VRK1: variants seen among roughly 807,000 people sequenced by gnomAD.
VRK1 encodes VRK serine/threonine kinase 1.
Under a neutral mutation model 57.1 loss-of-function variants are expected in VRK1, and 33 were observed. The observed-to-expected ratio is 0.58, with a 90% confidence interval of 0.44 to 0.77. The LOEUF (loss-of-function observed/expected upper bound fraction) is 0.77, where lower values mean the gene tolerates loss of function less well. VRK1 is among the 30% of genes least tolerant of loss of function. The pLI, the probability that VRK1 is intolerant of heterozygous loss-of-function variation, is 0.00. For synonymous variants in VRK1, 137 were observed against 147.8 expected (o/e 0.93, Z 0.53); for missense variants, 413 against 477.3 (o/e 0.87, Z 1.25).
chr14:96,831,469 T>C (rs1887001312), intron 1 of VRK1, among the ~76,000 whole-genome samples: 1 of 152,200 alleles, frequency 6.6e-6, no homozygotes, highest in African/African-American at 2.4e-5. Context: ...GGGACTATTT[T>C]TAGGAAAGAA....
intron 1 of VRK1, among the ~76,000 whole-genome samples, chr14:96,814,769 ATT>A (rs1053557060): frequency 6.6e-6 from 1 of 152,100 alleles, no homozygotes; most frequent in Non-Finnish European, 1.5e-5. Context: ...CTTTCCTTGT[ATT>A]TTTCACTTAA....
intron 11 of VRK1, among the ~76,000 whole-genome samples, chr14:96,867,862 A>G (rs146239496): frequency 2.0e-5 from 3 of 152,216 alleles, no homozygotes; most frequent in African/African-American, 7.2e-5. Context: ...TTTTATTGGT[A>G]AGATAGCCTC....
At chr14:96,878,675 G>T (rs28540414) in intron 12 of VRK1, among the ~76,000 whole-genome samples, 2,190 of 152,154 alleles carry the variant, frequency 0.014, 55 homozygotes, top group African/African-American at 0.049. Flanking sequence ...TATTGTGTAG[G>T]TTTTCTCAAA....
chr14:96,798,320 T>C (rs771538712), intron 1 of VRK1, among the ~76,000 whole-genome samples: 31 of 152,186 alleles, frequency 2.0e-4, no homozygotes, highest in Admixed American at 6.5e-4. Flanking sequence ...TCAAAACTCT[T>C]AGGTGGTAGA....
intron 1 of VRK1, among the ~76,000 whole-genome samples, chr14:96,831,816 G>A (rs28459561): frequency 0.13 from 19,754 of 152,194 alleles, 1,625 homozygotes; most frequent in Non-Finnish European, 0.19. Flanking sequence ...AAAGTGGGTT[G>A]AAATTCAGAA....
At chr14:96,838,990 T>C (rs1887339993) in intron 3 of VRK1, among the ~76,000 whole-genome samples, 1 of 152,032 alleles carries the variant, frequency 6.6e-6, no homozygotes, top group Non-Finnish European at 1.5e-5. Flanking sequence ...TCTTAAAATG[T>C]AGAGCATTTC....
At chr14:96,806,550 C>G (rs372272144) in intron 1 of VRK1, among the ~76,000 whole-genome samples, 2 of 152,136 alleles carry the variant, frequency 1.3e-5, no homozygotes, top group African/African-American at 2.4e-5. Context: ...TCAGGTAGAT[C>G]TAGTTCAAAT....
At position 96,808,002 on chromosome 14, in the gene VRK1, CCTCTCTCT is replaced by C. The variant is rs1555357995; in HGVS notation, c.-6+10559_-6+10566del. 5.9e-5 allele frequency among the ~76,000 whole-genome samples: 7 copies of C among 118,222 alleles called. No individual in the cohort carries two copies. The South Asian group carries it at 8.5e-4, about 14-fold the overall frequency. 77.6% of individuals were successfully genotyped at this position (118,222 alleles called of 152,430 possible). A position where few individuals can be genotyped will look rare whatever the true frequency, so the allele number is the denominator to read the frequency against. On this transcript the variant is annotated intron_variant, in intron 1 of 12. Coordinates refer to ENST00000216639, the MANE Select transcript of VRK1 (RefSeq NM_003384.3). ...GTCTCTCTCCCTCTCTCCCTCTCTC[CCTCTCTCT>C]CTCCCTCTGTGTGTGTGTGTGTGTG... is the stretch of plus-strand genomic sequence containing the variant.
chr14:96,839,666 A>G (rs1887374898), intron 3 of VRK1, among the ~76,000 whole-genome samples: 1 of 152,142 alleles, frequency 6.6e-6, no homozygotes, highest in African/African-American at 2.4e-5. Flanking sequence ...TGCCTCTTCC[A>G]TTCTTTTTGC....
At chr14:96,875,157 T>C (rs1298636102) in intron 11 of VRK1, among the ~76,000 whole-genome samples, 1 of 152,230 alleles carries the variant, frequency 6.6e-6, no homozygotes, top group East Asian at 1.9e-4. Flanking sequence ...TTTATATTTA[T>C]TCCTAATGCC....
chr14:96,840,944 C>G (rs1887435427), intron 3 of VRK1, among the ~76,000 whole-genome samples: 1 of 151,102 alleles, frequency 6.6e-6, no homozygotes, highest in Admixed American at 6.6e-5. Context: ...CAGCCTTGAT[C>G]TCCTGGGTTC....
chr14:96,848,654 TAGTTA>T (rs1290204817), intron 5 of VRK1, among the ~76,000 whole-genome samples: 1 of 152,180 alleles, frequency 6.6e-6, no homozygotes, highest in Non-Finnish European at 1.5e-5. Flanking sequence ...GAATAAGGAT[TAGTTA>T]AGTTAGTTAA....
intron 2 of VRK1, among the ~76,000 whole-genome samples, chr14:96,836,779 T>A (rs1378587627): frequency 6.6e-6 from 1 of 152,094 alleles, no homozygotes; most frequent in South Asian, 2.1e-4. Flanking sequence ...TCCACCTGCG[T>A]TGACCTCCCA....
chr14:96,825,077 G>A (rs945431206), intron 1 of VRK1, among the ~76,000 whole-genome samples: 2 of 152,284 alleles, frequency 1.3e-5, no homozygotes, highest in Admixed American at 1.3e-4. Flanking sequence ...GTCTTGAGAA[G>A]GTTGGAGGGG....
chr14:96,861,736 T>C (rs1379678056), intron 11 of VRK1, among the ~76,000 whole-genome samples: 1 of 152,214 alleles, frequency 6.6e-6, no homozygotes, highest in Non-Finnish European at 1.5e-5. Context: ...TCTGAAATTA[T>C]ATACATGCAT....
chr14:96,798,587 T>C (rs796939102), intron 1 of VRK1, among the ~76,000 whole-genome samples: 1 of 152,168 alleles, frequency 6.6e-6, no homozygotes, highest in Non-Finnish European at 1.5e-5. Flanking sequence ...TCTTTTTTTT[T>C]AAACTGGAAT....
chr14:96,819,853 G>GT (rs1345807882), intron 1 of VRK1, among the ~76,000 whole-genome samples: 1 of 152,218 alleles, frequency 6.6e-6, no homozygotes, highest in Non-Finnish European at 1.5e-5. Context: ...CTTTTGGAGT[G>GT]TTTGTTGTGC....
chr14:96,876,130 ACAGTTTTGCCTAGCTGCTTT>A lies in VRK1; in HGVS notation c.1159+13_1159+32del. 2 of 1,613,314 alleles carry A rather than the reference ACAGTTTTGCCTAGCTGCTTT, an allele frequency of 1.2e-6. No individual in the cohort carries two copies. Among genetic ancestry groups the A allele is most frequent in the Non-Finnish European group, 1.7e-6 (2 of 1,179,400 alleles). On this transcript the variant is annotated intron_variant, in intron 12 of 12. Coordinates refer to ENST00000216639, the MANE Select transcript of VRK1 (RefSeq NM_003384.3). ...GAGGCCATACAGACCCGTAAGTTGA[ACAGTTTTGCCTAGCTGCTTT>A]CATAGGTAAACACAAATTTCATTTC...
chr14:96,875,016 A>G (rs1888969295), intron 11 of VRK1, among the ~76,000 whole-genome samples: 1 of 152,218 alleles, frequency 6.6e-6, no homozygotes, highest in African/African-American at 2.4e-5. Context: ...GATTTGGGGC[A>G]TGTCGGATGG....
Sources: allele counts gnomAD v4.1 joint callset (sites outside exome capture counted in the v4.1 genomes callset), GRCh38; gene constraint gnomAD v4.1.1; transcripts MANE v1.5; gene names NCBI Gene and HGNC (gene_info 2026-07-23, HGNC 2026-07-21).